The following SGCD variants were observed in gnomAD, a reference collection of about 807,000 sequenced individuals.
The protein encoded by SGCD is delta-sarcoglycan.
A neutral mutation model predicts 36.6 loss-of-function variants in SGCD; 18 were observed. That is an observed-to-expected ratio of 0.49 (90% CI 0.34 to 0.73). The LOEUF (loss-of-function observed/expected upper bound fraction) is 0.73, where lower values mean the gene tolerates loss of function less well. SGCD is among the 30% of genes least tolerant of loss of function. SGCD has a pLI of 0.01. For missense variants in SGCD, 387 were observed against 346.7 expected, an observed-to-expected ratio of 1.12 and a Z score of -0.92; for synonymous variants, 133 against 130.6, an observed-to-expected ratio of 1.02 and a Z score of -0.12.
At chr5:156,265,208 C>A (rs1765966658) in intron 3 of SGCD, among the ~76,000 whole-genome samples, 2 of 152,156 alleles carry the variant, frequency 1.3e-5, no homozygotes, top group Non-Finnish European at 2.9e-5. Context: ...TTCTTTGGAA[C>A]AATGAGTCAA....
At chr5:155,894,505 A>G (rs569495905) in intron 1 of SGCD, among the ~76,000 whole-genome samples, 3 of 152,286 alleles carry the variant, frequency 2.0e-5, no homozygotes, top group Admixed American at 1.3e-4. Context: ...TCTGTGGCCT[A>G]TTATAAACTG....
the SGCD span, among the ~76,000 whole-genome samples, chr5:155,801,144 G>A: frequency 7.2e-5 from 11 of 152,072 alleles, no homozygotes; most frequent in Non-Finnish European, 1.3e-4. Flanking sequence ...GAGGGTAGGC[G>A]TTTTTCTCTG....
chr5:156,287,627 T>TTGTGTGTGTGTGTGTGTGTGTGTG (rs70982002), intron 3 of SGCD, among the ~76,000 whole-genome samples: 1 of 146,288 alleles, frequency 6.8e-6, no homozygotes, highest in Non-Finnish European at 1.5e-5. Flanking sequence ...TTCCGTTTCT[T>TTGTGTGTGTGTGTGTGTGTGTGTG]TGTGTGTGTG....
At chr5:156,524,452 G>A (rs902340729) in intron 4 of SGCD, among the ~76,000 whole-genome samples, 4 of 150,220 alleles carry the variant, frequency 2.7e-5, no homozygotes, top group Non-Finnish European at 5.9e-5. Context: ...CTTTATTGAG[G>A]TATAATTGAC....
chr5:155,906,643 G>C (rs1756517156), intron 1 of SGCD, among the ~76,000 whole-genome samples: 1 of 152,128 alleles, frequency 6.6e-6, no homozygotes, highest in Non-Finnish European at 1.5e-5. Context: ...CTAATCCCAA[G>C]CAAGGCCCTA....
chr5:156,155,082 C>T (rs10054296), intron 3 of SGCD, among the ~76,000 whole-genome samples: 1 of 151,566 alleles, frequency 6.6e-6, no homozygotes, highest in African/African-American at 2.4e-5. Flanking sequence ...ATAATAATCA[C>T]AGGATAATCT....
chr5:156,184,449 T>C (rs1353758100), intron 3 of SGCD, among the ~76,000 whole-genome samples: 1 of 151,712 alleles, frequency 6.6e-6, no homozygotes, highest in East Asian at 1.9e-4. Context: ...TTGGATAAAA[T>C]ATTTTAAAAA....
At chr5:156,690,423 G>A (rs140430009) in intron 7 of SGCD, among the ~76,000 whole-genome samples, 178 of 152,274 alleles carry the variant, frequency 1.2e-3, no homozygotes, top group African/African-American at 3.8e-3. Context: ...GGAAAAGTGA[G>A]CACTCAAGGG....
chr5:156,632,120 G>A (rs1416952872), intron 6 of SGCD, among the ~76,000 whole-genome samples: 1 of 152,170 alleles, frequency 6.6e-6, no homozygotes, highest in East Asian at 1.9e-4. Flanking sequence ...TTCTTCAGCA[G>A]ACATTATCTC....
At position 156,524,680 on chromosome 5, in the gene SGCD, G is replaced by A. The variant is rs77425467; in HGVS notation, c.294+15978G>A. On this transcript the variant is annotated intron_variant, in intron 4 of 8. Transcript: ENST00000337851. ...CTATAGTCACCATGTTGTATATTAG[G>A]TCTCCAGAACTTATTCACGTTATAA... 0.012 allele frequency among the ~76,000 whole-genome samples: 1,879 copies of A among 151,840 alleles called. 93 individuals carry two copies. The East Asian group carries it at 0.17, about 14-fold the overall frequency.
chr5:156,576,939 A>G (rs182210007), intron 4 of SGCD, among the ~76,000 whole-genome samples: 32 of 152,000 alleles, frequency 2.1e-4, no homozygotes, highest in African/African-American at 7.5e-4. Context: ...CCATTTGTCT[A>G]TTTTGGCTTT....
chr5:155,759,799 C>G, the SGCD span, among the ~76,000 whole-genome samples: 1 of 152,180 alleles, frequency 6.6e-6, no homozygotes, highest in Non-Finnish European at 1.5e-5. Context: ...ACTCTTAGCT[C>G]TGTATTGACC....
intron 1 of SGCD, among the ~76,000 whole-genome samples, chr5:156,021,693 C>G (rs186153961): frequency 6.6e-6 from 1 of 151,682 alleles, no homozygotes; most frequent in Non-Finnish European, 1.5e-5. Flanking sequence ...TTGGAGGTAG[C>G]GGAAACGGTG....
At chr5:156,701,014 A>G (rs1315642007) in intron 7 of SGCD, among the ~76,000 whole-genome samples, 1 of 151,238 alleles carries the variant, frequency 6.6e-6, no homozygotes, top group African/African-American at 2.4e-5. Flanking sequence ...CCTTGCAATC[A>G]CCTCATTTAT....
intron 3 of SGCD, among the ~76,000 whole-genome samples, chr5:156,494,735 A>T (rs1474073621): frequency 6.6e-6 from 1 of 151,918 alleles, no homozygotes; most frequent in Non-Finnish European, 1.5e-5. Flanking sequence ...CTTCCTTCCC[A>T]CTTTTCTGAA....
chr5:156,734,383 C>G (rs1332579228), intron 7 of SGCD, among the ~76,000 whole-genome samples: 1 of 151,626 alleles, frequency 6.6e-6, no homozygotes, highest in African/African-American at 2.4e-5. Context: ...CATGGAAAAT[C>G]TTACTGGAGT....
intron 1 of SGCD, among the ~76,000 whole-genome samples, chr5:156,034,599 G>C (rs1431408300): frequency 1.3e-5 from 2 of 152,110 alleles, no homozygotes; most frequent in Non-Finnish European, 2.9e-5. Context: ...TTTGCTAAGT[G>C]ACCAGTTATT....
chr5:156,638,329 C>G (rs778291318), intron 6 of SGCD, among the ~76,000 whole-genome samples: 17 of 150,640 alleles, frequency 1.1e-4, no homozygotes, highest in Non-Finnish European at 1.8e-4. Context: ...CATATTTATT[C>G]TCTCCCTCTC....
chr5:156,132,116 TAG>T (rs1156595793), intron 3 of SGCD, among the ~76,000 whole-genome samples: 1 of 152,150 alleles, frequency 6.6e-6, no homozygotes, highest in Non-Finnish European at 1.5e-5. Flanking sequence ...AAAAGGAAAT[TAG>T]AGACTGCTTT....
Sources: allele counts gnomAD v4.1 joint callset (sites outside exome capture counted in the v4.1 genomes callset), GRCh38; gene constraint gnomAD v4.1.1; transcripts MANE v1.5; gene names NCBI Gene and HGNC (gene_info 2026-07-23, HGNC 2026-07-21).